The following AVEN variants were observed in gnomAD, a reference collection of about 807,000 sequenced individuals.
AVEN encodes the protein apoptosis and caspase activation inhibitor, also known as cell death regulator Aven.
AVEN carries 41 observed loss-of-function variants against 38.1 expected under a neutral mutation model. The ratio of observed to expected loss-of-function variants is 1.08; its 90% CI spans 0.84 to 1.40. The LOEUF (loss-of-function observed/expected upper bound fraction) is 1.40, where lower values mean the gene tolerates loss of function less well. Ranked by LOEUF, AVEN falls within the 40% of genes most tolerant of loss-of-function variation. The pLI is 0.00. For missense variants in AVEN, 605 were observed against 438.8 expected (o/e 1.38, Z -3.38); for synonymous variants, 206 against 171.8 (o/e 1.20, Z -1.56).
downstream of AVEN, chr15:33,854,885 G>A: frequency 6.2e-7 from 1 of 1,612,436 alleles, no homozygotes; most frequent in Admixed American, 1.7e-5. Context: ...GGACCATTCT[G>A]TCATCTGTAA....
chr15:34,015,707 A>G (rs1897870683), intron 1 of AVEN, among the ~76,000 whole-genome samples: 1 of 152,180 alleles, frequency 6.6e-6, no homozygotes, highest in Non-Finnish European at 1.5e-5. Context: ...CTAACAGACA[A>G]AAAGGTAAAC....
chr15:34,017,137 A>C (rs1897954855), intron 1 of AVEN, among the ~76,000 whole-genome samples: 1 of 152,056 alleles, frequency 6.6e-6, no homozygotes, highest in Non-Finnish European at 1.5e-5. Flanking sequence ...CAAGGGGGAA[A>C]AAAAAAGGTA....
intron 1 of AVEN, among the ~76,000 whole-genome samples, chr15:34,028,538 C>T (rs1898606494): frequency 6.6e-6 from 1 of 152,158 alleles, no homozygotes; most frequent in Non-Finnish European, 1.5e-5. Context: ...GGCACTCCAG[C>T]ATGGGTAACA....
At chr15:34,043,562 G>C (rs1680172638), upstream of AVEN, among the ~76,000 whole-genome samples, 1 of 152,118 alleles carries the variant, frequency 6.6e-6, no homozygotes, top group Non-Finnish European at 1.5e-5. Context: ...GAGAGACTCT[G>C]GCATGAGCTA....
At chr15:33,969,157 T>C (rs1895520309) in intron 2 of AVEN, 1 of 152,110 alleles carries the variant, frequency 6.6e-6, no homozygotes, top group Admixed American at 6.5e-5. Flanking sequence ...CCAGGTAAGA[T>C]TTAATTTTAT....
chr15:34,074,788 G>C (rs1263976908), exon 1 of AVEN, among the ~76,000 whole-genome samples: 1 of 152,056 alleles, frequency 6.6e-6, no homozygotes, highest in African/African-American at 2.4e-5. Context: ...CTGTTTGTTG[G>C]GGGGACACAA....
downstream of AVEN, chr15:33,857,827 T>C (rs373505953): frequency 6.2e-6 from 10 of 1,614,094 alleles, no homozygotes; most frequent in African/African-American, 4.0e-5. Context: ...ATCTCTATAC[T>C]GTGGTGGCTT....
At chr15:33,983,058 C>G (rs1043612813) in intron 2 of AVEN, among the ~76,000 whole-genome samples, 1 of 151,354 alleles carries the variant, frequency 6.6e-6, no homozygotes, top group African/African-American at 2.4e-5. Flanking sequence ...TTTTTCTGAG[C>G]AACGGATTTT....
intron 2 of AVEN, among the ~76,000 whole-genome samples, chr15:33,892,434 T>C (rs1892024460): frequency 1.3e-5 from 2 of 152,118 alleles, no homozygotes; most frequent in African/African-American, 4.8e-5. Flanking sequence ...CAGTTTCAGC[T>C]TTCTACATAT....
At chr15:33,929,703 C>T (rs1230536678) in intron 2 of AVEN, among the ~76,000 whole-genome samples, 1 of 152,192 alleles carries the variant, frequency 6.6e-6, no homozygotes, top group African/African-American at 2.4e-5. Flanking sequence ...TTCTTTACTA[C>T]CCTTTCCAAA....
At chr15:34,021,134 T>C (rs975193350) in intron 1 of AVEN, among the ~76,000 whole-genome samples, 2 of 152,174 alleles carry the variant, frequency 1.3e-5, no homozygotes, top group Non-Finnish European at 2.9e-5. Flanking sequence ...AAAATGCCTA[T>C]CTTTTCTCAT....
intron 2 of AVEN, among the ~76,000 whole-genome samples, chr15:33,967,915 G>A (rs1895452159): frequency 6.8e-6 from 1 of 146,714 alleles, no homozygotes; most frequent in Non-Finnish European, 1.5e-5. Context: ...CCCAAAAGAT[G>A]TATAAAAACA....
In AVEN at chr15:33,876,049, T is replaced by C. The variant is rs1023324277; in HGVS notation, c.446-54A>G. The C allele has an allele frequency of 2.6e-6, 4 of 1,514,382 alleles. No individual in the cohort carries two copies. In the East Asian group the frequency reaches 9.1e-5, roughly 35 times the overall value. The allele number at this position is 1,514,382 out of a possible 1,614,324, so 93.8% of individuals were successfully genotyped here. On this transcript the variant is annotated intron_variant, in intron 2 of 5. Coordinates refer to ENST00000306730, the MANE Select transcript of AVEN (RefSeq NM_020371.3). ...TGCAAAAGCCAACGGAAACTCTCAG[T>C]TCTCTAAATTTCCCTGCTAGAGCAA...
intron 2 of AVEN, among the ~76,000 whole-genome samples, chr15:33,992,405 A>AAG (rs59738632): frequency 6.6e-6 from 1 of 152,198 alleles, no homozygotes; most frequent in Non-Finnish European, 1.5e-5. Context: ...AAAAGAAAAA[A>AAG]GAAAATCAAA....
intron 2 of AVEN, among the ~76,000 whole-genome samples, chr15:33,902,838 T>C (rs1892544655): frequency 7.1e-6 from 1 of 141,386 alleles, no homozygotes; most frequent in Non-Finnish European, 1.6e-5. Context: ...AGGAATAAAT[T>C]CTGTAGCTTA....
At chr15:33,860,700 A>G (rs1242933198) in intron 11 of AVEN, 1 of 1,376,010 alleles carries the variant, frequency 7.3e-7, no homozygotes, top group African/African-American at 1.4e-5. Flanking sequence ...CTATTTTAAT[A>G]TCCCCAGAAG....
rs1274545474 is a variant in AVEN, at chr15:33,867,435, G to C, written c.973+60C>G. ...GATGTGTGCGGATGTGATGCGGGCG[G>C]GGCTGTTCTTGAAAAAACACCAGAA... On this transcript the variant is annotated intron_variant, in intron 5 of 5. Coordinates refer to ENST00000306730, the MANE Select transcript of AVEN (RefSeq NM_020371.3). 3.9e-6 allele frequency: 6 copies of C among 1,529,940 alleles called. No homozygotes were observed. In the South Asian group the frequency reaches 5.3e-5, roughly 13 times the overall value. The allele number at this position is 1,529,940 out of a possible 1,614,324, so 94.8% of individuals were successfully genotyped here. A position where few individuals can be genotyped will look rare whatever the true frequency, so the allele number is the denominator to read the frequency against.
rs745399950 is a variant in AVEN, at chr15:33,887,835, A to G, written c.446-11840T>C. On this transcript the variant is annotated intron_variant, in intron 2 of 5. Transcript: ENST00000306730. ...ACCAAGAAGCTTATGTGTCTTACTA[A>G]TAACTTGTCTGACACCTAAAATGTT... Among the ~76,000 whole-genome samples, 5 of 152,314 alleles carry G rather than the reference A, an allele frequency of 3.3e-5. No individual in the cohort carries two copies. In the East Asian group the frequency reaches 9.6e-4, roughly 29 times the overall value.
At chr15:33,902,201 T>C (rs190208407) in intron 2 of AVEN, among the ~76,000 whole-genome samples, 2 of 152,330 alleles carry the variant, frequency 1.3e-5, no homozygotes, top group East Asian at 3.9e-4. Context: ...CTCCTTCAAA[T>C]TTATTCCTAA....
Sources: allele counts gnomAD v4.1 joint callset (sites outside exome capture counted in the v4.1 genomes callset), GRCh38; gene constraint gnomAD v4.1.1; transcripts MANE v1.5; gene names NCBI Gene and HGNC (gene_info 2026-07-23, HGNC 2026-07-21).